FRAS1: variants seen among roughly 807,000 people sequenced by gnomAD.
FRAS1 encodes the protein Fraser extracellular matrix complex subunit 1, also known as extracellular matrix organizing protein FRAS1.
In FRAS1, 290 loss-of-function variants were observed where a neutral mutation model predicts 435.2. The ratio of observed to expected loss-of-function variants is 0.67; its 90% CI spans 0.61 to 0.73. The LOEUF is 0.73. Ranked by LOEUF, FRAS1 falls within the 30% of genes least tolerant of loss-of-function variation. FRAS1 has a pLI of 0.00. For synonymous variants in FRAS1, 1,800 were observed against 1,851.0 expected (o/e 0.97, Z 0.71); for missense variants, 4,860 against 5,001.5 (o/e 0.97, Z 0.85).
chr4:78,220,618 T>C (rs1724012903), intron 2 of FRAS1, among the ~76,000 whole-genome samples: 1 of 152,188 alleles, frequency 6.6e-6, no homozygotes, highest in African/African-American at 2.4e-5. Flanking sequence ...TGGAGAAAAT[T>C]TCTCATGTTC....
At chr4:78,323,209 C>G (rs994420743) in intron 18 of FRAS1, among the ~76,000 whole-genome samples, 4 of 152,206 alleles carry the variant, frequency 2.6e-5, no homozygotes, top group African/African-American at 9.7e-5. Context: ...GCTAGAATTG[C>G]TGGCACAAAA....
chr4:78,172,944 C>T (rs1038682780), intron 2 of FRAS1, among the ~76,000 whole-genome samples: 1 of 151,464 alleles, frequency 6.6e-6, no homozygotes, highest in African/African-American at 2.4e-5. Context: ...AAAATAGTGC[C>T]CTTGCGGTCT....
chr4:78,249,064 C>CATATATATATATATGCATAT (rs1553934032), intron 4 of FRAS1, among the ~76,000 whole-genome samples: 9 of 16,600 alleles, frequency 5.4e-4, no homozygotes, highest in African/African-American at 9.5e-4. Context: ...TATATATATG[C>CATATATATATATATGCATAT]ATATATATAT....
chr4:78,465,867 A>T (rs1409169610), intron 49 of FRAS1, among the ~76,000 whole-genome samples: 1 of 152,204 alleles, frequency 6.6e-6, no homozygotes, highest in Non-Finnish European at 1.5e-5. Flanking sequence ...TGTATATAAG[A>T]GTTTTGGGTA....
At chr4:78,418,794 G>T (rs1427180000) in intron 32 of FRAS1, among the ~76,000 whole-genome samples, 155 bp from the exon 33 acceptor site, 1 of 152,200 alleles carries the variant, frequency 6.6e-6, no homozygotes, top group Non-Finnish European at 1.5e-5. Context: ...TGCAATGCAA[G>T]AGACCAGATC....
At position 78,496,822 on chromosome 4, in the gene FRAS1, C is replaced by T. The variant is rs1209515375; in HGVS notation, c.8976C>T (p.Val2992=). ...LKGDKVKNCT[V]YIHDDSMFEP... ...GGCTCTAGGTGAAGAACTGTACGGT[C>T]TATATCCACGATGACTCCATGTTTG... The change falls in exon 60 of 74, where the codon GTC becomes GTT. Residue 2992 remains valine, a synonymous_variant. Transcript: ENST00000512123. 2 of 1,613,568 alleles carry T rather than the reference C, an allele frequency of 1.2e-6. No individual in the cohort carries two copies. The highest frequency in any genetic ancestry group is 1.3e-5 in the African/African-American group (1 of 74,876).
chr4:78,450,434 T>C, intron 45 of FRAS1, 95 bp downstream of exon 45: 2 of 969,740 alleles, frequency 2.1e-6, no homozygotes, highest in Non-Finnish European at 3.3e-6. Flanking sequence ...GGCAATAAAC[T>C]GTGCACTCTT....
At chr4:78,426,896 TAC>T (rs1452313859) in intron 35 of FRAS1, among the ~76,000 whole-genome samples, 1 of 152,214 alleles carries the variant, frequency 6.6e-6, no homozygotes, top group Non-Finnish European at 1.5e-5. Flanking sequence ...TCCACTTACT[TAC>T]AGAGTCAAGA....
chr4:78,520,965 C>T (rs777568630), intron 67 of FRAS1, among the ~76,000 whole-genome samples: 4 of 152,146 alleles, frequency 2.6e-5, no homozygotes, highest in East Asian at 3.8e-4. Context: ...CTAATCCTTA[C>T]GTTACTCTTT....
At position 78,387,458 on chromosome 4, in the gene FRAS1, A is replaced by T; in HGVS notation, c.3732A>T (p.Arg1244=). The change falls in exon 29 of 74, where the codon CGA becomes CGT. Residue 1244 remains arginine (R), a synonymous_variant. Coordinates refer to ENST00000512123, the MANE Select transcript of FRAS1 (RefSeq NM_025074.7). ...TCACCACCCAGATGCTTGACATCCG[A>T]GATGATGACAACCCACAGGATGTGG... The part of the protein sequence containing the change: ...ATITTQMLDI[R]DDDNPQDVVI... 6.2e-7 allele frequency: 1 copy of T among 1,613,726 alleles called. No individual in the cohort carries two copies. The highest frequency in any genetic ancestry group is 8.5e-7 in the Non-Finnish European group (1 of 1,179,780).
intron 53 of FRAS1, among the ~76,000 whole-genome samples, chr4:78,475,074 G>A (rs1719816459): frequency 6.6e-6 from 1 of 152,136 alleles, no homozygotes; most frequent in Non-Finnish European, 1.5e-5. Context: ...TCTTCCCTAA[G>A]AACCCACTGA....
rs1226882751 is a variant in FRAS1, at chr4:78,108,665, C to A, written c.108+42649C>A. Among the ~76,000 whole-genome samples, 2 of 73,004 alleles carry A rather than the reference C, an allele frequency of 2.7e-5. 1 individual carries two copies. Among genetic ancestry groups the A allele is most frequent in the Non-Finnish European group, 5.2e-5 (2 of 38,678 alleles). The allele number at this position is 73,004 out of a possible 152,430, so 47.9% of individuals were successfully genotyped here. On this transcript the variant is annotated intron_variant, in intron 2 of 73. Coordinates refer to ENST00000512123, the MANE Select transcript of FRAS1 (RefSeq NM_025074.7). ...GAAAGCAGGAAAGATCCAAAATTGA[C>A]ACCCTAACATCACAATTAAAAGAAC...
chr4:78,309,099 C>T (rs912518077), intron 15 of FRAS1, among the ~76,000 whole-genome samples: 15 of 152,088 alleles, frequency 9.9e-5, no homozygotes, highest in African/African-American at 3.4e-4. Flanking sequence ...GAGGATGGAC[C>T]AGAGGTCGGA....
intron 22 of FRAS1, among the ~76,000 whole-genome samples, chr4:78,364,281 A>G (rs921119703): frequency 1.3e-5 from 2 of 152,184 alleles, no homozygotes; most frequent in African/African-American, 4.8e-5. Context: ...CTCCTCTGTA[A>G]ATGCCAGCTG....
Position 78,425,174 on chromosome 4 carries a change from A to G in FRAS1, c.4711+754A>G, listed in dbSNP as rs193234757. 1.2e-4 allele frequency among the ~76,000 whole-genome samples: 18 copies of G among 152,096 alleles called. No individual in the cohort carries two copies. In the East Asian group the frequency reaches 3.1e-3, roughly 26 times the overall value. On this transcript the variant is annotated intron_variant, in intron 35 of 73. Transcript: ENST00000512123. ...TGATTATTGCTACATAATCATTACT[A>G]TATTATACTTAGCTAATAAACAGTA...
intron 58 of FRAS1, among the ~76,000 whole-genome samples, chr4:78,485,745 G>A (rs1240348107): frequency 6.6e-6 from 1 of 152,184 alleles, no homozygotes; most frequent in Non-Finnish European, 1.5e-5. Flanking sequence ...AGAAAGTGAT[G>A]AAGCTGGAAT....
chr4:78,340,093 C>G (rs768248892), intron 20 of FRAS1, among the ~76,000 whole-genome samples: 8 of 152,058 alleles, frequency 5.3e-5, no homozygotes, highest in Non-Finnish European at 1.0e-4. Flanking sequence ...CCAGAGTGTT[C>G]TTTGATAGTA....
intron 14 of FRAS1, among the ~76,000 whole-genome samples, chr4:78,292,671 C>T (rs1284850870): frequency 6.6e-6 from 1 of 152,182 alleles, no homozygotes; most frequent in Non-Finnish European, 1.5e-5. Flanking sequence ...TATGAAACTA[C>T]TGTTCTGAAA....
chr4:78,360,597 G>A (rs560756750), intron 20 of FRAS1, among the ~76,000 whole-genome samples: 1 of 152,296 alleles, frequency 6.6e-6, no homozygotes, highest in Non-Finnish European at 1.5e-5. Context: ...GTTTTGAGGT[G>A]AAAGGAATGA....
Sources: gnomAD v4.1 joint callset for allele counts (sites outside exome capture counted in the v4.1 genomes callset) on GRCh38, gnomAD v4.1.1 for gene constraint, MANE v1.5 for transcripts, NCBI Gene and HGNC (gene_info 2026-07-23, HGNC 2026-07-21) for gene names.